Variants in DISP1 observed in about 807,000 individuals in gnomAD.
The protein encoded by DISP1 is protein dispatched homolog 1.
A neutral mutation model predicts 37.3 loss-of-function variants in DISP1; 30 were observed. The observed-to-expected ratio is 0.80, with a 90% CI of 0.60 to 1.09. The LOEUF is 1.09. Ranked by LOEUF, DISP1 falls within the 50% of genes least tolerant of loss-of-function variation. The probability of loss-of-function intolerance (pLI) is 0.00; values close to 1 mark genes in which losing one functional copy is unlikely to be tolerated. For synonymous variants in DISP1, 634 were observed against 690.2 expected (o/e 0.92, Z 1.28); for missense variants, 1,598 against 1,879.5 (o/e 0.85, Z 2.77).
chr1:222,954,954 T>G (rs199515571), intron 3 of DISP1, among the ~76,000 whole-genome samples: 1 of 147,248 alleles, frequency 6.8e-6, no homozygotes, highest in Non-Finnish European at 1.5e-5. Context: ...GGTGGTGGGG[T>G]GGGGTGTGGG....
At chr1:222,987,213 C>T (rs1361687608) in intron 4 of DISP1, among the ~76,000 whole-genome samples, 1 of 152,164 alleles carries the variant, frequency 6.6e-6, no homozygotes, top group African/African-American at 2.4e-5. Flanking sequence ...CTCTGTTTCC[C>T]ATGTGGTACC....
At position 223,002,521 on chromosome 1, in the gene DISP1, T is replaced by C; in HGVS notation, c.1124T>C (p.Val375Ala). 1 of 1,614,102 alleles carries C rather than the reference T, an allele frequency of 6.2e-7. No individual in the cohort carries two copies. Among genetic ancestry groups the C allele is most frequent in the Non-Finnish European group, 8.5e-7 (1 of 1,180,012 alleles). ...TGTCAGAAAATAGTTGAGCGAGACGTTTCTCATACCTTGAAGCTGCTTCGG... is the reference window on the plus strand; with the variant it reads ...TGTCAGAAAATAGTTGAGCGAGACGCTTCTCATACCTTGAAGCTGCTTCGG... ...SSCQKIVERDVSHTLKLLRTC... is the reference protein window; with the variant it reads ...SSCQKIVERDASHTLKLLRTC... The change falls in exon 9 of 9, where the codon GTT (valine) becomes GCT (alanine). Residue 375 changes from valine to alanine, a missense_variant. Physicochemically the swap from Val to Ala is moderately conservative, Grantham distance 64 (BLOSUM62 0). Coordinates refer to ENST00000675850, the MANE Select transcript of DISP1 (RefSeq NM_001377229.1).
At chr1:222,997,050 C>CTCTA (rs1159804887) in intron 8 of DISP1, among the ~76,000 whole-genome samples, 1 of 148,442 alleles carries the variant, frequency 6.7e-6, no homozygotes, top group Non-Finnish European at 1.5e-5. Context: ...CTCTCTCTCT[C>CTCTA]TATATATATA....
intron 1 of DISP1, chr1:222,836,972 C>G (rs1175724207): frequency 5.0e-6 from 2 of 397,962 alleles, no homozygotes; most frequent in East Asian, 7.1e-5. Flanking sequence ...ACTCCAGTAG[C>G]CATTCTGCTT....
At chr1:222,900,814 G>T (rs950591878) in intron 1 of DISP1, among the ~76,000 whole-genome samples, 2 of 152,208 alleles carry the variant, frequency 1.3e-5, no homozygotes, top group African/African-American at 4.8e-5. Context: ...TGAACAGAGT[G>T]ATGAGTGGGA....
At chr1:222,905,222 T>C (rs961516399) in intron 1 of DISP1, among the ~76,000 whole-genome samples, 2 of 152,200 alleles carry the variant, frequency 1.3e-5, no homozygotes, top group South Asian at 2.1e-4. Context: ...TTCCCTTAAA[T>C]GTTAGTTCTA....
intron 2 of DISP1, among the ~76,000 whole-genome samples, chr1:222,930,792 C>T (rs1470289907): frequency 1.3e-5 from 2 of 151,966 alleles, no homozygotes; most frequent in East Asian, 1.9e-4. Context: ...CACCCAGGCC[C>T]TTATTAAGAC....
chr1:223,003,048 C>T lies in DISP1; in HGVS notation c.1651C>T (p.His551Tyr). 1.2e-6 allele frequency: 2 copies of T among 1,614,066 alleles called. No homozygotes were observed. Among genetic ancestry groups the T allele is most frequent in the Non-Finnish European group, 1.7e-6 (2 of 1,180,018 alleles). ...CTATTTTCTCTATCGTGTAGTATTT[C>T]ACTTCGAATTTTTTCCTTTTATGAA... ...VSYFLYRVVF[H>Y]FEFFPFMNLT... Residue 551 changes from histidine to tyrosine, a missense_variant, in exon 9 of 9, where the codon CAC (histidine) becomes TAC (tyrosine). Physicochemically the swap from His to Tyr is moderately conservative, Grantham distance 83. Coordinates refer to ENST00000675850, the MANE Select transcript of DISP1 (RefSeq NM_001377229.1). This position sits in a 1 kb window ranked among gnomAD's most constrained non-coding sequence, Gnocchi z 4.3.
intron 1 of DISP1, among the ~76,000 whole-genome samples, chr1:222,851,776 CTT>C (rs71178503): frequency 1.4e-5 from 2 of 144,134 alleles, no homozygotes; most frequent in Non-Finnish European, 1.5e-5. Context: ...GTAAATATTT[CTT>C]TTTTTTTTTT....
chr1:222,864,811 A>G (rs1669086829), intron 1 of DISP1, among the ~76,000 whole-genome samples: 1 of 152,150 alleles, frequency 6.6e-6, no homozygotes, highest in Admixed American at 6.5e-5. Flanking sequence ...GCTTGTTATT[A>G]AGCTGCTATA....
chr1:222,988,834 G>A (rs1003263609), intron 4 of DISP1, among the ~76,000 whole-genome samples: 1 of 151,720 alleles, frequency 6.6e-6, no homozygotes, highest in African/African-American at 2.4e-5. Flanking sequence ...TTGCATTTTT[G>A]TAGAGACAGA....
At chr1:222,949,899 T>A (rs182727642) in intron 3 of DISP1, among the ~76,000 whole-genome samples, 1 of 152,148 alleles carries the variant, frequency 6.6e-6, no homozygotes, top group African/African-American at 2.4e-5. Flanking sequence ...AGTGCTGGGA[T>A]TACAGGCATG....
At chr1:222,883,459 A>T (rs1343633070) in intron 1 of DISP1, among the ~76,000 whole-genome samples, 2 of 152,194 alleles carry the variant, frequency 1.3e-5, no homozygotes, top group East Asian at 3.9e-4. Context: ...CGCTACTAAA[A>T]ATACAAAAAT....
At chr1:222,955,810 A>G (rs530524834) in intron 3 of DISP1, among the ~76,000 whole-genome samples, 11 of 152,290 alleles carry the variant, frequency 7.2e-5, no homozygotes, top group Middle Eastern at 3.4e-3. Flanking sequence ...CCTAAATAAG[A>G]CTTTTGTCTT....
At chr1:222,904,487 C>T (rs1671786061) in intron 1 of DISP1, among the ~76,000 whole-genome samples, 1 of 151,636 alleles carries the variant, frequency 6.6e-6, no homozygotes. Flanking sequence ...GATAGCTTCT[C>T]TTTTAATATG....
intron 1 of DISP1, among the ~76,000 whole-genome samples, chr1:222,911,668 T>C (rs1672216157): frequency 6.6e-6 from 1 of 152,056 alleles, no homozygotes; most frequent in South Asian, 2.1e-4. Context: ...TATAAGTGCA[T>C]GCCACTACAT....
intron 4 of DISP1, 53 bp downstream of exon 4, chr1:222,983,162 TC>T (rs1677964108): frequency 7.6e-7 from 1 of 1,315,242 alleles, no homozygotes; most frequent in African/African-American, 1.5e-5. Context: ...GCATGCTTTT[TC>T]CAGTCTAGTA....
At chr1:222,959,339 A>G (rs114655857) in intron 3 of DISP1, among the ~76,000 whole-genome samples, 2,834 of 152,252 alleles carry the variant, frequency 0.019, 81 homozygotes, top group African/African-American at 0.065. Context: ...TTAATCCTGA[A>G]AACAACCCAA....
chr1:222,913,064 C>G (rs1672296604), intron 1 of DISP1, among the ~76,000 whole-genome samples: 1 of 152,082 alleles, frequency 6.6e-6, no homozygotes, highest in African/African-American at 2.4e-5. Context: ...GAAAAAACTT[C>G]TAATTAGACT....
Sources: gnomAD v4.1 joint callset for allele counts (sites outside exome capture counted in the v4.1 genomes callset) on GRCh38, gnomAD v4.1.1 for gene constraint, Gnocchi (gnomAD v3.1) non-coding constraint, MANE v1.5 for transcripts, NCBI Gene and HGNC (gene_info 2026-07-23, HGNC 2026-07-21) for gene names.